KIAA1549L: variants seen among roughly 807,000 people sequenced by gnomAD.
KIAA1549L encodes UPF0606 protein KIAA1549L.
A neutral mutation model predicts 160.7 loss-of-function variants in KIAA1549L; 88 were observed. That is an observed-to-expected ratio of 0.55 (90% confidence interval 0.46 to 0.65). KIAA1549L has a LOEUF of 0.65. Among genes scored for constraint, KIAA1549L ranks in the 30% least tolerant of loss-of-function variants. The pLI is 0.00. For synonymous variants in KIAA1549L, 950 were observed against 976.7 expected (o/e 0.97, Z 0.51); for missense variants, 2,258 against 2,437.5 (o/e 0.93, Z 1.55).
chr11:33,616,326 A>G (rs1850806627), intron 15 of KIAA1549L, among the ~76,000 whole-genome samples: 1 of 152,076 alleles, frequency 6.6e-6, no homozygotes, highest in Non-Finnish European at 1.5e-5. Context: ...ATACCAAGAG[A>G]ACGCCTCTTT....
rs370418256 is a variant in KIAA1549L, at chr11:33,614,705, C to T, written c.5280-3828C>T. ...TCGGCTCACTGCAACCTCTGACTCC[C>T]TGGTCCAAGTGATTCTCCTGCCTCA... On this transcript the variant is annotated intron_variant, in intron 15 of 20. Coordinates refer to ENST00000658780, the MANE Select transcript of KIAA1549L (RefSeq NM_012194.3). 1.0e-3 allele frequency among the ~76,000 whole-genome samples: 145 copies of T among 143,092 alleles called. 2 individuals carry two copies. The South Asian group carries it at 0.03, about 30-fold the overall frequency. The allele number at this position is 143,092 out of a possible 152,430, so 93.9% of individuals were successfully genotyped here.
rs1057165774 is a variant in KIAA1549L at position 33,425,338 on chromosome 11, G to T, written c.238+48449G>T. Reference sequence around the variant, plus strand: ...TGGTTGACTCATTCTCTGCTGATTTGTTCTCTGTACTTGCAGCAAATAAAG... The same window carrying T: ...TGGTTGACTCATTCTCTGCTGATTTTTTCTCTGTACTTGCAGCAAATAAAG... On this transcript the variant is annotated intron_variant, in intron 1 of 20. Transcript: ENST00000658780. Among the ~76,000 whole-genome samples the T allele has an allele frequency of 2.6e-5, 4 of 152,250 alleles. No individual in the cohort carries two copies. The East Asian group carries it at 7.7e-4, about 29-fold the overall frequency.
intron 19 of KIAA1549L, 150 bp downstream of exon 19, chr11:33,659,048 C>T (rs1852174345): frequency 1.2e-6 from 1 of 860,300 alleles, no homozygotes; most frequent in Admixed American, 3.3e-5. Context: ...TTCAGGAGCC[C>T]CAACTAAAAG....
At chr11:33,610,585 T>A (rs1850623106) in intron 15 of KIAA1549L, among the ~76,000 whole-genome samples, 1 of 152,218 alleles carries the variant, frequency 6.6e-6, no homozygotes, top group Non-Finnish European at 1.5e-5. Flanking sequence ...CTATTGCTGC[T>A]CTTATGGAAC....
intron 6 of KIAA1549L, among the ~76,000 whole-genome samples, chr11:33,554,171 G>A (rs914011253): frequency 6.6e-6 from 1 of 152,176 alleles, no homozygotes; most frequent in South Asian, 2.1e-4. Flanking sequence ...TTTCACCAGG[G>A]CCTGTTTTTG....
intron 1 of KIAA1549L, among the ~76,000 whole-genome samples, chr11:33,492,563 C>G (rs531810882): frequency 2.0e-5 from 3 of 152,122 alleles, no homozygotes; most frequent in Admixed American, 1.3e-4. Flanking sequence ...TAGTCCTGGA[C>G]GTGGTTCTAC....
chr11:33,588,945 C>T (rs1045459632), intron 11 of KIAA1549L, among the ~76,000 whole-genome samples: 7 of 152,164 alleles, frequency 4.6e-5, no homozygotes, highest in African/African-American at 1.7e-4. Flanking sequence ...AATAAAACTC[C>T]ATCCTGTTCT....
chr11:33,621,228 C>A (rs1050905903), intron 16 of KIAA1549L, among the ~76,000 whole-genome samples: 72 of 152,194 alleles, frequency 4.7e-4, no homozygotes, highest in African/African-American at 1.4e-3. Flanking sequence ...ACTGTAGCAG[C>A]ATGGATTGTT....
intron 13 of KIAA1549L, among the ~76,000 whole-genome samples, chr11:33,600,751 A>G (rs763891): frequency 6.6e-6 from 1 of 152,006 alleles, no homozygotes; most frequent in Non-Finnish European, 1.5e-5. Flanking sequence ...TTTTGTTGTA[A>G]TGCTTTATTT....
intron 1 of KIAA1549L, among the ~76,000 whole-genome samples, chr11:33,529,024 A>G (rs560970029): frequency 6.6e-6 from 1 of 152,330 alleles, no homozygotes; most frequent in Non-Finnish European, 1.5e-5. Flanking sequence ...GAAAAAGTTG[A>G]CCACAAAAGT....
At chr11:33,615,780 T>C (rs985936673) in intron 15 of KIAA1549L, among the ~76,000 whole-genome samples, 3 of 152,254 alleles carry the variant, frequency 2.0e-5, no homozygotes, top group African/African-American at 7.2e-5. Context: ...CAATTGCTAA[T>C]CTTAGTATTT....
At chr11:33,459,058 C>A (rs1280942881) in intron 1 of KIAA1549L, among the ~76,000 whole-genome samples, 1 of 152,168 alleles carries the variant, frequency 6.6e-6, no homozygotes. Flanking sequence ...TTTTGATTGC[C>A]ATTGCCAGCT....
At chr11:33,558,940 T>C (rs1265011268) in intron 6 of KIAA1549L, among the ~76,000 whole-genome samples, 2 of 151,990 alleles carry the variant, frequency 1.3e-5, no homozygotes, top group African/African-American at 2.4e-5. Flanking sequence ...TTCAAGCGAT[T>C]CTCCTGTCTC....
intron 1 of KIAA1549L, among the ~76,000 whole-genome samples, chr11:33,440,267 C>T (rs1218813457): frequency 1.3e-5 from 2 of 148,190 alleles, no homozygotes; most frequent in African/African-American, 2.5e-5. Flanking sequence ...GTAGCTGGGA[C>T]TACAGGCGCC....
chr11:33,491,451 T>C (rs1218006900), intron 1 of KIAA1549L, among the ~76,000 whole-genome samples: 1 of 152,138 alleles, frequency 6.6e-6, no homozygotes, highest in Non-Finnish European at 1.5e-5. Flanking sequence ...CCATAGTGTA[T>C]ACAAAAGAAG....
chr11:33,434,072 G>A (rs1335084458), intron 1 of KIAA1549L, among the ~76,000 whole-genome samples: 1 of 147,788 alleles, frequency 6.8e-6, no homozygotes, highest in Non-Finnish European at 1.5e-5. Flanking sequence ...AAGAAATAAA[G>A]CCCCCCCCGC....
chr11:33,551,672 ACT>A (rs970431513), intron 5 of KIAA1549L, among the ~76,000 whole-genome samples: 5 of 152,136 alleles, frequency 3.3e-5, no homozygotes, highest in African/African-American at 7.2e-5. Context: ...TTTTTTTCAA[ACT>A]CTCTGGTGAT....
intron 15 of KIAA1549L, among the ~76,000 whole-genome samples, chr11:33,613,577 TAAAC>T (rs1240284908): frequency 6.6e-6 from 1 of 152,052 alleles, no homozygotes; most frequent in Non-Finnish European, 1.5e-5. Flanking sequence ...CATACACTCT[TAAAC>T]AACCAGATGT....
rs112635101 is a variant in KIAA1549L, at chr11:33,492,023, C to G, written c.239-49779C>G. Among the ~76,000 whole-genome samples, 2 of 152,256 alleles carry G rather than the reference C, an allele frequency of 1.3e-5. 1 individual carries two copies. The highest frequency in any genetic ancestry group is 4.8e-5 in the African/African-American group (2 of 41,546). ...CCTTTTTGTGGGTTACCAACCCTCTCAAACATCTAATGGGACCTGTGGTAC... is the reference window on the plus strand; with the variant it reads ...CCTTTTTGTGGGTTACCAACCCTCTGAAACATCTAATGGGACCTGTGGTAC... On this transcript the variant is annotated intron_variant, in intron 1 of 20. Coordinates refer to ENST00000658780, the MANE Select transcript of KIAA1549L (RefSeq NM_012194.3).
Sources: gnomAD v4.1 joint callset for allele counts (sites outside exome capture counted in the v4.1 genomes callset) on GRCh38, gnomAD v4.1.1 for gene constraint, MANE v1.5 for transcripts, NCBI Gene and HGNC (gene_info 2026-07-23, HGNC 2026-07-21) for gene names.